The following ARHGAP21 variants were observed in gnomAD, a reference collection of about 807,000 sequenced individuals.
The protein encoded by ARHGAP21 is rho GTPase-activating protein 21.
ARHGAP21 carries 38 observed loss-of-function variants against 164.6 expected under a neutral mutation model. The observed-to-expected ratio is 0.23, with a 90% CI of 0.18 to 0.30. The LOEUF (loss-of-function observed/expected upper bound fraction) is 0.30. Among genes scored for constraint, ARHGAP21 ranks in the 10% least tolerant of loss-of-function variants. ARHGAP21 has a pLI of 1.00. For missense variants in ARHGAP21, 1,822 were observed against 2,370.7 expected (o/e 0.77, Z 4.81); for synonymous variants, 766 against 857.9 (o/e 0.89, Z 1.87).
chr10:24,628,983 T>TATATATATATATA (rs58780222), intron 7 of ARHGAP21: 50 of 11,174 alleles, frequency 4.5e-3, no homozygotes, highest in South Asian at 0.015. Flanking sequence ...TATATATATA[T>TATATATATATATA]TTTTTTTTTT....
At chr10:24,636,733 T>C (rs372912750) in intron 4 of ARHGAP21, among the ~76,000 whole-genome samples, 29 of 152,336 alleles carry the variant, frequency 1.9e-4, no homozygotes, top group African/African-American at 6.0e-4. Flanking sequence ...AATGAATGGC[T>C]AGATTTCAAA....
chr10:24,627,419 T>C (rs1835246752), intron 7 of ARHGAP21, among the ~76,000 whole-genome samples: 1 of 151,802 alleles, frequency 6.6e-6, no homozygotes. Flanking sequence ...AAATTATATA[T>C]TCCTTTGATT....
chr10:24,644,777 A>G lies in ARHGAP21; in HGVS notation c.269-9674T>C, dbSNP rs527634449. On this transcript the variant is annotated intron_variant, in intron 4 of 25. Coordinates refer to ENST00000396432, the MANE Select transcript of ARHGAP21 (RefSeq NM_020824.4). ...ATTCTTCTTTCTCTGACCAGCTCTTAGAGTCCTGTCTTCATTCTACATGTC... is the reference window on the plus strand; with the variant it reads ...ATTCTTCTTTCTCTGACCAGCTCTTGGAGTCCTGTCTTCATTCTACATGTC... Among the ~76,000 whole-genome samples the G allele has an allele frequency of 5.9e-5, 9 of 152,234 alleles. No individual in the cohort carries two copies. In the South Asian group the frequency reaches 8.3e-4, roughly 14 times the overall value.
chr10:24,596,330 TAAAG>T (rs1026871182), intron 17 of ARHGAP21: 6 of 430,792 alleles, frequency 1.4e-5, no homozygotes, highest in African/African-American at 2.1e-5. Context: ...TTCCGCTGAA[TAAAG>T]AGTCAAGAAA....
intron 2 of ARHGAP21, among the ~76,000 whole-genome samples, chr10:24,680,200 G>A (rs1841636749): frequency 6.6e-6 from 1 of 152,092 alleles, no homozygotes; most frequent in Admixed American, 6.5e-5. Context: ...TTTTCTCTAT[G>A]TTAAATTGTT....
At position 24,589,179 on chromosome 10, in the gene ARHGAP21, C is replaced by T. The variant is rs150706115; in HGVS notation, c.4182+92G>A. ...TACTTTGTTGCTCTGTCTCATTAGA[C>T]ATAGAGAGGAATGCATTTGTGTATC... On this transcript the variant is annotated intron_variant, in intron 25 of 25. Transcript: ENST00000396432. 3.2e-5 allele frequency: 34 copies of T among 1,058,694 alleles called. No homozygotes were observed. In the East Asian group the frequency reaches 7.1e-4, roughly 22 times the overall value. 65.6% of individuals were successfully genotyped at this position (1,058,694 alleles called of 1,614,324 possible). A position where few individuals can be genotyped will look rare whatever the true frequency, so the allele number is the denominator to read the frequency against.
chr10:24,667,853 T>C (rs1840346771), intron 3 of ARHGAP21, among the ~76,000 whole-genome samples: 1 of 152,148 alleles, frequency 6.6e-6, no homozygotes, highest in Non-Finnish European at 1.5e-5. Context: ...ATTACACATT[T>C]TCTAAAAGCT....
chr10:24,694,068 A>G (rs1842951915), intron 2 of ARHGAP21, among the ~76,000 whole-genome samples: 1 of 152,168 alleles, frequency 6.6e-6, no homozygotes, highest in African/African-American at 2.4e-5. Context: ...ATTCACAAGT[A>G]TATATTGTAA....
chr10:24,695,095 A>C (rs1162598062), intron 2 of ARHGAP21, among the ~76,000 whole-genome samples: 3 of 129,668 alleles, frequency 2.3e-5, no homozygotes, highest in African/African-American at 5.7e-5. Context: ...AAAAAAAAAA[A>C]ACGAAAAGAA....
intron 4 of ARHGAP21, among the ~76,000 whole-genome samples, chr10:24,656,200 C>G (rs1301347829): frequency 7.2e-6 from 1 of 139,662 alleles, no homozygotes; most frequent in Non-Finnish European, 1.5e-5. Flanking sequence ...GCCGCCCCAT[C>G]CGGGAGGGAG....
intron 2 of ARHGAP21, among the ~76,000 whole-genome samples, chr10:24,682,232 G>C (rs1841837539): frequency 6.6e-6 from 1 of 151,902 alleles, no homozygotes; most frequent in African/African-American, 2.4e-5. Flanking sequence ...TGTCTGAAAG[G>C]AAAAACAAAA....
chr10:24,639,568 T>C (rs905151433), intron 4 of ARHGAP21, among the ~76,000 whole-genome samples: 1 of 152,156 alleles, frequency 6.6e-6, no homozygotes, highest in Admixed American at 6.5e-5. Context: ...GAGCAATAAA[T>C]ACTGGTTGAA....
chr10:24,591,243 A>G lies in ARHGAP21; in HGVS notation c.4132T>C (p.Ser1378Pro). 4 of 1,612,040 alleles carry G rather than the reference A, an allele frequency of 2.5e-6. No homozygotes were observed. Among genetic ancestry groups the G allele is most frequent in the African/African-American group, 1.3e-5 (1 of 74,988 alleles). The change falls in exon 24 of 26, where the codon TCC becomes CCC. Residue 1378 changes from serine to proline, a missense_variant. By Grantham distance (74) the Ser-to-Pro change is moderately conservative (BLOSUM62 -1). Around this residue, in one of 5 missense-constraint regions of ARHGAP21, gnomAD observed 333 missense variants for 383.9 expected, o/e 0.87. Transcript: ENST00000396432. ...LLTNIGRTGV[S>P]PGDVSDSATS... ...GAGTTACCTGATACATCTCCTGGGG[A>G]GACTCCTGTCCTTCCAATGTTGGTG... is the stretch of plus-strand genomic sequence containing the variant.
chr10:24,672,583 C>A (rs1593243800), intron 2 of ARHGAP21, among the ~76,000 whole-genome samples: 1 of 152,226 alleles, frequency 6.6e-6, no homozygotes, highest in South Asian at 2.1e-4. Context: ...AACATGTCTG[C>A]ATAGCTGCTA....
At position 24,597,567 on chromosome 10, in the gene ARHGAP21, G is replaced by T. The variant is rs751350703; in HGVS notation, c.3214C>A (p.Pro1072Thr). The stretch of plus-strand genomic sequence containing the variant: ...CTGAGACTCTGGCGAGGTGTTTTTG[G>T]CAACTGTTCTGCTTTGCTGTTGAAG... Reference protein sequence around the residue: ...NNLMSKAEQLPKTPRQSLSIR... With the variant: ...NNLMSKAEQLTKTPRQSLSIR... Residue 1072 changes from proline to threonine, a missense_variant, in exon 16 of 26, where the codon CCA (proline) becomes ACA (threonine). By Grantham distance (38) the Pro-to-Thr change is conservative (BLOSUM62 -1). Transcript: ENST00000396432. 7.4e-6 allele frequency: 12 copies of T among 1,613,882 alleles called. No individual in the cohort carries two copies. The highest frequency in any genetic ancestry group is 2.2e-5 in the East Asian group (1 of 44,890).
chr10:24,674,363 G>A (rs762296692), intron 2 of ARHGAP21, among the ~76,000 whole-genome samples: 8 of 152,116 alleles, frequency 5.3e-5, no homozygotes, highest in African/African-American at 1.4e-4. Flanking sequence ...GTGAAACCCC[G>A]TCTCTACTAA....
At chr10:24,634,600 T>G (rs770083600) in intron 5 of ARHGAP21, among the ~76,000 whole-genome samples, 2 of 152,262 alleles carry the variant, frequency 1.3e-5, no homozygotes, top group Non-Finnish European at 2.9e-5. Flanking sequence ...CACTTTGTGC[T>G]GCAAATTAAT....
chr10:24,691,851 A>G (rs1448421939), intron 2 of ARHGAP21, among the ~76,000 whole-genome samples: 1 of 152,254 alleles, frequency 6.6e-6, no homozygotes, highest in Non-Finnish European at 1.5e-5. Context: ...ACAAGGGCAA[A>G]CTGTTATGAT....
At chr10:24,669,772 G>C (rs992432078) in intron 3 of ARHGAP21, among the ~76,000 whole-genome samples, 1 of 152,192 alleles carries the variant, frequency 6.6e-6, no homozygotes, top group Non-Finnish European at 1.5e-5. Context: ...ATGAGAAGCT[G>C]TGTTTTTCAA....
Sources: allele counts gnomAD v4.1 joint callset (sites outside exome capture counted in the v4.1 genomes callset), GRCh38; gene constraint gnomAD v4.1.1; regional missense constraint gnomAD v4.1.1; transcripts MANE v1.5; gene names NCBI Gene and HGNC (gene_info 2026-07-23, HGNC 2026-07-21).